The following SLC22A5 variants were observed in gnomAD, a reference collection of about 807,000 sequenced individuals.
SLC22A5 encodes the protein solute carrier family 22 member 5.
Under a neutral mutation model 56.7 loss-of-function variants are expected in SLC22A5, and 44 were observed. That is an observed-to-expected ratio of 0.78 (90% CI 0.61 to 1.00). The LOEUF is 1.00. Ranked by LOEUF, SLC22A5 falls within the 50% of genes least tolerant of loss-of-function variation. The pLI, the probability that SLC22A5 is intolerant of heterozygous loss-of-function variation, is 0.00. For synonymous variants in SLC22A5, 278 were observed against 292.1 expected, an observed-to-expected ratio of 0.95 and a Z score of 0.49; for missense variants, 675 against 723.0, an observed-to-expected ratio of 0.93 and a Z score of 0.76.
At chr5:132,392,869 C>G (rs1221880606) in intron 8 of SLC22A5, among the ~76,000 whole-genome samples, 5 of 152,188 alleles carry the variant, frequency 3.3e-5, no homozygotes, top group Admixed American at 2.6e-4. Context: ...TTAGCCATCC[C>G]AGGCCTTCCA....
chr5:132,380,624 CG>C (rs1752315824), intron 2 of SLC22A5: 1 of 152,004 alleles, frequency 6.6e-6, no homozygotes, highest in African/African-American at 2.4e-5. Flanking sequence ...CAAGACTTGC[CG>C]ATGGGCTGGA....
chr5:132,373,405 G>C (rs1446454000), intron 1 of SLC22A5, among the ~76,000 whole-genome samples: 1 of 152,216 alleles, frequency 6.6e-6, no homozygotes, highest in East Asian at 1.9e-4. Context: ...GGGAAGCCAA[G>C]GCAGCAGGTC....
chr5:132,390,218 T>G (rs1308944465), intron 6 of SLC22A5: 1 of 283,028 alleles, frequency 3.5e-6, no homozygotes, highest in African/African-American at 2.2e-5. Context: ...AGGTAGTGTG[T>G]GAGGGTCTCT....
chr5:132,387,275 GC>G, intron 5 of SLC22A5, 124 bp downstream of exon 5: 1 of 1,181,472 alleles, frequency 8.5e-7, no homozygotes, highest in Non-Finnish European at 1.3e-6. Flanking sequence ...AGCCCCAACT[GC>G]CCATTCCCCC....
chr5:132,393,841 G>T, intron 9 of SLC22A5, 30 bp downstream of exon 9: 1 of 1,613,542 alleles, frequency 6.2e-7, no homozygotes, highest in Non-Finnish European at 8.5e-7. Flanking sequence ...CAGTGTTGAT[G>T]CACTGGGTCT....
rs772583485 is a variant in SLC22A5, at chr5:132,394,288, G to C, written c.*16G>C. ...AGCCTTCTAACATCGCTTCCAGTAA[G>C]GGAGAAACTGAAGAGGAAAGACTGT... On this transcript the variant is annotated 3_prime_UTR_variant, in exon 10 of 10. Transcript: ENST00000245407. 2.6e-6 allele frequency: 4 copies of C among 1,555,852 alleles called. No individual in the cohort carries two copies. The highest frequency in any genetic ancestry group is 1.7e-4 in the Middle Eastern group (1 of 5,986).
chr5:132,381,777 G>C (rs1752356838), intron 2 of SLC22A5: 1 of 152,176 alleles, frequency 6.6e-6, no homozygotes, highest in African/African-American at 2.4e-5. Flanking sequence ...GTGTGTGTTT[G>C]CCATTTTGTT....
In SLC22A5 at chr5:132,394,501, G is replaced by C; in HGVS notation, c.*229G>C. ...GCTACCTACAGACAACTTCATCTAAGTCCTAACTATTACAATGATGGACTC... is the reference window on the plus strand; with the variant it reads ...GCTACCTACAGACAACTTCATCTAACTCCTAACTATTACAATGATGGACTC... On this transcript the variant is annotated 3_prime_UTR_variant, in exon 10 of 10. Coordinates refer to ENST00000245407, the MANE Select transcript of SLC22A5 (RefSeq NM_003060.4). The C allele has an allele frequency of 6.8e-6, 4 of 587,114 alleles. No homozygotes were observed. The South Asian group carries it at 8.1e-5, about 12-fold the overall frequency. 36.4% of individuals were successfully genotyped at this position (587,114 alleles called of 1,614,324 possible). A position where few individuals can be genotyped will look rare whatever the true frequency, so the allele number is the denominator to read the frequency against.
In SLC22A5 at chr5:132,391,071, C is replaced by T. The variant is rs1219247482; in HGVS notation, c.1267+167C>T. On this transcript the variant is annotated intron_variant, in intron 7 of 9. Coordinates refer to ENST00000245407, the MANE Select transcript of SLC22A5 (RefSeq NM_003060.4). ...GAAAGTGTCTTCTGAGACTAGAACA[C>T]TTATGGCCTGGGCTTTGAGGGAGTG... is the stretch of plus-strand genomic sequence containing the variant. Among the ~76,000 whole-genome samples, 4 of 152,210 alleles carry T rather than the reference C, an allele frequency of 2.6e-5. No homozygotes were observed. In the East Asian group the frequency reaches 7.7e-4, roughly 29 times the overall value.
At chr5:132,380,730 T>A (rs927113387) in intron 2 of SLC22A5, 9 of 152,260 alleles carry the variant, frequency 5.9e-5, no homozygotes, top group Non-Finnish European at 1.2e-4. Context: ...AAGAACCACG[T>A]TCATGGATAT....
Position 132,384,133 on chromosome 5 carries a change from C to T in SLC22A5, c.498-14C>T. On this transcript the variant is annotated splice_polypyrimidine_tract_variant and intron_variant, in intron 2 of 9. Coordinates refer to ENST00000245407, the MANE Select transcript of SLC22A5 (RefSeq NM_003060.4). ...TTTCCAGCTGGTTATCTGTCACTCT[C>T]CTTTTCTTCCCAGGTTTGGCCGGAA... 6.2e-7 allele frequency: 1 copy of T among 1,614,150 alleles called. No individual in the cohort carries two copies.
rs1413377442 is a variant in SLC22A5, at chr5:132,393,700, A to G, written c.1475A>G (p.Tyr492Cys). The G allele has an allele frequency of 1.2e-6, 2 of 1,614,016 alleles. No individual in the cohort carries two copies. The highest frequency in any genetic ancestry group is 1.7e-6 in the Non-Finnish European group (2 of 1,180,016). ...GGTGCCTACGACCGCTTCCTGCCCT[A>G]CATTCTCATGGGAAGTCTGACCATC... ...YLGAYDRFLP[Y>C]ILMGSLTILT... Residue 492 changes from tyrosine to cysteine, a missense_variant, in exon 9 of 10, where the codon TAC (tyrosine) becomes TGC (cysteine). Physicochemically the swap from Tyr to Cys is radical, Grantham distance 194. Coordinates refer to ENST00000245407, the MANE Select transcript of SLC22A5 (RefSeq NM_003060.4).
intron 6 of SLC22A5, chr5:132,389,510 A>G (rs1752634469): frequency 5.5e-6 from 1 of 180,496 alleles, no homozygotes; most frequent in Non-Finnish European, 1.2e-5. Flanking sequence ...AGATGTCCTT[A>G]CCAGGTTCCC....
intron 1 of SLC22A5, among the ~76,000 whole-genome samples, chr5:132,371,108 A>G (rs1254777383): frequency 6.6e-6 from 1 of 152,094 alleles, no homozygotes; most frequent in Non-Finnish European, 1.5e-5. Context: ...GTCTCCGAGT[A>G]GCTGTGAGCC....
In SLC22A5 at chr5:132,370,305, G is replaced by A. The variant is rs1253086449; in HGVS notation, c.333G>A (p.Glu111=). 11 of 1,610,950 alleles carry A rather than the reference G, an allele frequency of 6.8e-6. No homozygotes were observed. Among genetic ancestry groups the A allele is most frequent in the Admixed American group, 3.3e-5 (2 of 59,710 alleles). The change falls in exon 1 of 10, where the codon GAG becomes GAA. Residue 111 remains glutamate (E), a synonymous_variant. Transcript: ENST00000245407. ...TGGACCTGGGGCAGCTGGAGCAGGA[G>A]AGCTGTCTGGATGGCTGGGAGTTCA... The part of the protein sequence containing the change: ...RDVDLGQLEQ[E]SCLDGWEFSQ...
chr5:132,380,666 C>T (rs1001529129), intron 2 of SLC22A5: 1 of 152,016 alleles, frequency 6.6e-6, no homozygotes, highest in African/African-American at 2.4e-5. Flanking sequence ...AGCTTTCTGG[C>T]CTGAGTAACT....
chr5:132,390,618 A>G, intron 6 of SLC22A5, 72 bp from the exon 7 acceptor site: 1 of 1,044,254 alleles, frequency 9.6e-7, no homozygotes, highest in South Asian at 1.3e-5. Flanking sequence ...AAATAATTGC[A>G]TTGTAAAAGT....
At chr5:132,371,609 C>T (rs1000399781) in intron 1 of SLC22A5, among the ~76,000 whole-genome samples, 5 of 152,110 alleles carry the variant, frequency 3.3e-5, no homozygotes, top group Non-Finnish European at 7.3e-5. Context: ...GAATAGCCCT[C>T]ATTGATAGAT....
chr5:132,384,497 A>G (rs531014418), intron 3 of SLC22A5, among the ~76,000 whole-genome samples, 196 bp downstream of exon 3: 1 of 152,348 alleles, frequency 6.6e-6, no homozygotes, highest in Non-Finnish European at 1.5e-5. Context: ...GGTCCCCAGC[A>G]GCACAATGGC....
Sources: gnomAD v4.1 joint callset for allele counts (sites outside exome capture counted in the v4.1 genomes callset) on GRCh38, gnomAD v4.1.1 for gene constraint, MANE v1.5 for transcripts, NCBI Gene and HGNC (gene_info 2026-07-23, HGNC 2026-07-21) for gene names.